Variants in TMEM135 observed in about 807,000 individuals in gnomAD.
TMEM135 encodes the protein transmembrane protein 135.
Under a neutral mutation model 60.3 loss-of-function variants are expected in TMEM135, and 30 were observed. The observed-to-expected ratio is 0.50, with a 90% CI of 0.37 to 0.68. The LOEUF is 0.68. TMEM135 is among the 30% of genes least tolerant of loss of function. The pLI is 0.00. For synonymous variants in TMEM135, 190 were observed against 186.7 expected (o/e 1.02, Z -0.14); for missense variants, 468 against 548.8 (o/e 0.85, Z 1.47).
intron 6 of TMEM135, among the ~76,000 whole-genome samples, chr11:87,289,602 G>A (rs1942230718): frequency 6.6e-6 from 1 of 151,776 alleles, no homozygotes; most frequent in African/African-American, 2.4e-5. Context: ...AATTACAGAT[G>A]CCCGCCACCA....
At chr11:87,314,332 A>T in intron 11 of TMEM135, 139 bp from the exon 12 acceptor site, 1 of 695,792 alleles carries the variant, frequency 1.4e-6, no homozygotes, top group Non-Finnish European at 2.5e-6. Flanking sequence ...TTTTAATGTC[A>T]TCTGGTTTAT....
intron 6 of TMEM135, among the ~76,000 whole-genome samples, chr11:87,243,661 TA>T (rs1941191713): frequency 1.2e-5 from 1 of 80,004 alleles, no homozygotes; most frequent in Admixed American, 1.1e-4. Flanking sequence ...GTTTGTCTGT[TA>T]TTTGTGTATA....
intron 4 of TMEM135, among the ~76,000 whole-genome samples, chr11:87,153,627 C>T (rs2135262735): frequency 6.6e-6 from 1 of 152,204 alleles, no homozygotes; most frequent in Admixed American, 6.5e-5. Context: ...TTTTTCATTG[C>T]ACATATTCAC....
intron 4 of TMEM135, among the ~76,000 whole-genome samples, chr11:87,109,371 C>T (rs1022053588): frequency 1.2e-4 from 18 of 152,202 alleles, no homozygotes; most frequent in Non-Finnish European, 2.9e-5. Context: ...AGATTAACAA[C>T]AATAGCTACA....
In TMEM135 at chr11:87,067,702, A is replaced by T; in HGVS notation, c.150A>T (p.Ala50=). ...ATCCTTTCTCTTTCCAGATTGCAGC[A>T]ATTCTCCGGAAACGGAAATTAGACT... ...KIYAPLYLIA[A]ILRKRKLDYY... The change falls in exon 2 of 15, where the codon GCA becomes GCT. Residue 50 remains alanine (A), a synonymous_variant. Transcript: ENST00000305494. 6.2e-7 allele frequency: 1 copy of T among 1,613,786 alleles called. No homozygotes were observed. Among genetic ancestry groups the T allele is most frequent in the East Asian group, 2.2e-5 (1 of 44,810 alleles).
chr11:87,057,682 G>T lies in TMEM135; in HGVS notation c.142-10012G>T, dbSNP rs773009586. Reference sequence around the variant, plus strand: ...ATAATACTTGGTTTCTTGTTATTTTGTTTGAGATATTTATATTTGGCTTTT... The same window carrying T: ...ATAATACTTGGTTTCTTGTTATTTTTTTTGAGATATTTATATTTGGCTTTT... On this transcript the variant is annotated intron_variant, in intron 1 of 14. Coordinates refer to ENST00000305494, the MANE Select transcript of TMEM135 (RefSeq NM_022918.4). Among the ~76,000 whole-genome samples, 261 of 152,164 alleles carry T rather than the reference G, an allele frequency of 1.7e-3. 1 individual carries two copies. Among genetic ancestry groups the T allele is most frequent in the Non-Finnish European group, 3.0e-3 (201 of 67,992 alleles).
At chr11:87,056,239 T>A (rs1446811989) in intron 1 of TMEM135, among the ~76,000 whole-genome samples, 1 of 152,190 alleles carries the variant, frequency 6.6e-6, no homozygotes, top group Non-Finnish European at 1.5e-5. Flanking sequence ...CCTTTAACCG[T>A]AAACATCCAG....
intron 2 of TMEM135, among the ~76,000 whole-genome samples, chr11:87,069,284 C>CAAAAAA (rs778885228): frequency 1.5e-3 from 94 of 62,292 alleles, no homozygotes; most frequent in East Asian, 3.4e-3. Context: ...GACTCCGTCT[C>CAAAAAA]AAAAAAAAAA....
At chr11:87,043,491 T>C (rs929252133) in intron 1 of TMEM135, among the ~76,000 whole-genome samples, 8 of 151,842 alleles carry the variant, frequency 5.3e-5, no homozygotes, top group African/African-American at 1.9e-4. Flanking sequence ...TTTGGGAGGC[T>C]GAGGCGGGTG....
chr11:87,122,438 TA>T (rs1473674834), intron 4 of TMEM135, among the ~76,000 whole-genome samples: 64 of 53,016 alleles, frequency 1.2e-3, no homozygotes, highest in South Asian at 9.1e-3. Context: ...TTAGTTTTTA[TA>T]TTTATTTATT....
At chr11:87,306,691 G>A (rs542339451) in intron 9 of TMEM135, among the ~76,000 whole-genome samples, 1 of 152,126 alleles carries the variant, frequency 6.6e-6, no homozygotes, top group African/African-American at 2.4e-5. Flanking sequence ...GGCACAGGTG[G>A]CACCACCTGC....
chr11:87,323,010 C>T lies in TMEM135; in HGVS notation c.*1677C>T. The T allele has an allele frequency of 2.2e-6, 1 of 454,352 alleles. No homozygotes were observed. The highest frequency in any genetic ancestry group is 1.6e-5 in the South Asian group (1 of 64,452). The allele number at this position is 454,352 out of a possible 1,614,324, so 28.1% of individuals were successfully genotyped here. A position where few individuals can be genotyped will look rare whatever the true frequency, so the allele number is the denominator to read the frequency against. On this transcript the variant is annotated 3_prime_UTR_variant, in exon 15 of 15. Coordinates refer to ENST00000305494, the MANE Select transcript of TMEM135 (RefSeq NM_022918.4). Reference sequence around the variant, plus strand: ...TGTGTTTACTGTTTAAAATGAAGTACTAAAGCCCTGAGAACTGCACCTCAT... The same window carrying T: ...TGTGTTTACTGTTTAAAATGAAGTATTAAAGCCCTGAGAACTGCACCTCAT...
intron 5 of TMEM135, among the ~76,000 whole-genome samples, chr11:87,159,461 T>C (rs929464315): frequency 6.6e-6 from 1 of 152,138 alleles, no homozygotes; most frequent in Non-Finnish European, 1.5e-5. Context: ...TTAAAAAGTA[T>C]AGAGTGATGT....
chr11:87,099,688 T>C (rs896905108), intron 4 of TMEM135, among the ~76,000 whole-genome samples: 6 of 148,158 alleles, frequency 4.0e-5, no homozygotes, highest in African/African-American at 1.2e-4. Context: ...GGTGGTTTTT[T>C]TTTTTTTTTT....
rs192589269 is a variant in TMEM135, at chr11:87,080,318, A to G, written c.362+8703A>G. Reference sequence around the variant, plus strand: ...GCTCTCTTGTGCAGTGTATCTATACATGCCATTAGCACTGCCTTCCCCACC... The same window carrying G: ...GCTCTCTTGTGCAGTGTATCTATACGTGCCATTAGCACTGCCTTCCCCACC... On this transcript the variant is annotated intron_variant, in intron 3 of 14. Coordinates refer to ENST00000305494, the MANE Select transcript of TMEM135 (RefSeq NM_022918.4). 3.6e-3 allele frequency among the ~76,000 whole-genome samples: 543 copies of G among 152,160 alleles called. 8 individuals carry two copies. The highest frequency in any genetic ancestry group is 0.012 in the African/African-American group (514 of 41,508).
chr11:87,067,661 T>C lies in TMEM135; in HGVS notation c.142-33T>C, dbSNP rs369834170. 31 of 1,612,132 alleles carry C rather than the reference T, an allele frequency of 1.9e-5. No homozygotes were observed. The African/African-American group carries it at 4.0e-4, about 21-fold the overall frequency. On this transcript the variant is annotated intron_variant, in intron 1 of 14. Transcript: ENST00000305494. ...AGCTAATTTAAGTGGGAAATGTTGG[T>C]TGGATTAAACAAAAAATCCTTTCTC...
intron 6 of TMEM135, among the ~76,000 whole-genome samples, chr11:87,255,095 C>T (rs922387673): frequency 2.0e-5 from 3 of 152,016 alleles, no homozygotes; most frequent in African/African-American, 7.2e-5. Flanking sequence ...CTTTCTTCTC[C>T]ATTTCTCCCC....
At chr11:87,170,318 T>G (rs1439940029) in intron 5 of TMEM135, among the ~76,000 whole-genome samples, 2 of 128,966 alleles carry the variant, frequency 1.6e-5, no homozygotes, top group Non-Finnish European at 3.3e-5. Flanking sequence ...TGTCCAGTTT[T>G]GTTTCCTTCT....
chr11:87,161,204 GA>G (rs1415395066), intron 5 of TMEM135, among the ~76,000 whole-genome samples: 3 of 152,108 alleles, frequency 2.0e-5, no homozygotes, highest in African/African-American at 4.8e-5. Context: ...GGCCTGGGTT[GA>G]ATTTTTTAAA....
Sources: allele counts gnomAD v4.1 joint callset (sites outside exome capture counted in the v4.1 genomes callset), GRCh38; gene constraint gnomAD v4.1.1; transcripts MANE v1.5; gene names NCBI Gene and HGNC (gene_info 2026-07-23, HGNC 2026-07-21).